Variants in PLCL1 observed in about 807,000 individuals in gnomAD.
PLCL1 encodes the protein inactive phospholipase C-like protein 1.
A neutral mutation model predicts 84.4 loss-of-function variants in PLCL1; 41 were observed. The ratio of observed to expected loss-of-function variants is 0.49; its 90% CI spans 0.38 to 0.63. The LOEUF (loss-of-function observed/expected upper bound fraction) is 0.63, where lower values mean the gene tolerates loss of function less well. Ranked by LOEUF, PLCL1 falls within the 30% of genes least tolerant of loss-of-function variation. PLCL1 has a pLI of 0.00. For missense variants in PLCL1, 1,206 were observed against 1,367.8 expected, an observed-to-expected ratio of 0.88 and a Z score of 1.87; for synonymous variants, 490 against 488.3, an observed-to-expected ratio of 1.00 and a Z score of -0.05.
At position 198,077,284 on chromosome 2, in the gene PLCL1, T is replaced by C. The variant is rs190013363; in HGVS notation, c.241-6474T>C. Among the ~76,000 whole-genome samples the C allele has an allele frequency of 2.4e-4, 36 of 152,180 alleles. No individual in the cohort carries two copies. In the East Asian group the frequency reaches 6.2e-3, roughly 26 times the overall value. ...CACCATCATGGCACATGTATACATA[T>C]GTAACAAACCTGCACGTTGTGCACA... On this transcript the variant is annotated intron_variant, in intron 1 of 5. Coordinates refer to ENST00000428675, the MANE Select transcript of PLCL1 (RefSeq NM_006226.4).
intron 1 of PLCL1, among the ~76,000 whole-genome samples, chr2:197,883,450 G>A (rs1687866035): frequency 6.6e-6 from 1 of 152,150 alleles, no homozygotes; most frequent in South Asian, 2.1e-4. Context: ...TGAAATGATT[G>A]TTACAATAAA....
intron 1 of PLCL1, among the ~76,000 whole-genome samples, chr2:197,970,489 G>A (rs762323563): frequency 5.8e-4 from 88 of 152,256 alleles, no homozygotes; most frequent in African/African-American, 1.9e-3. Context: ...TACTATAAGT[G>A]TAAAACCCAT....
intron 1 of PLCL1, among the ~76,000 whole-genome samples, chr2:197,962,936 A>T (rs997797333): frequency 2.0e-5 from 3 of 152,054 alleles, no homozygotes; most frequent in Non-Finnish European, 4.4e-5. Flanking sequence ...ATAGTACTTG[A>T]TTGTGTATAT....
At chr2:198,103,646 T>C (rs944929219) in intron 4 of PLCL1, among the ~76,000 whole-genome samples, 181 bp from the exon 5 acceptor site, 30 of 152,056 alleles carry the variant, frequency 2.0e-4, no homozygotes, top group African/African-American at 7.0e-4. Context: ...GTTGTCAATT[T>C]GTGCATAAGG....
At chr2:198,133,487 T>C (rs1316210461) in intron 5 of PLCL1, among the ~76,000 whole-genome samples, 2 of 146,402 alleles carry the variant, frequency 1.4e-5, no homozygotes, top group African/African-American at 5.1e-5. Flanking sequence ...GTAACTAACC[T>C]GCACAATGTG....
At chr2:198,064,170 A>T (rs1265459659) in intron 1 of PLCL1, among the ~76,000 whole-genome samples, 2 of 152,198 alleles carry the variant, frequency 1.3e-5, no homozygotes, top group Non-Finnish European at 2.9e-5. Context: ...GAAAGTTCAT[A>T]TAATAATAGT....
chr2:197,825,859 G>A (rs1690917620), intron 1 of PLCL1, among the ~76,000 whole-genome samples: 1 of 152,342 alleles, frequency 6.6e-6, no homozygotes, highest in East Asian at 1.9e-4. Flanking sequence ...TTTGCCATAA[G>A]GCTTGCAGGT....
At chr2:198,068,038 A>G (rs1692361614) in intron 1 of PLCL1, among the ~76,000 whole-genome samples, 1 of 152,148 alleles carries the variant, frequency 6.6e-6, no homozygotes, top group Non-Finnish European at 1.5e-5. Context: ...TGCCTTTCTC[A>G]TTTTTTACAA....
chr2:197,863,105 G>A (rs566405279), intron 1 of PLCL1, among the ~76,000 whole-genome samples: 114 of 150,760 alleles, frequency 7.6e-4, no homozygotes, highest in African/African-American at 2.6e-3. Context: ...TTTTGCTCTC[G>A]GAACTCTGCT....
intron 1 of PLCL1, among the ~76,000 whole-genome samples, chr2:197,908,242 G>A (rs1259911033): frequency 2.0e-5 from 3 of 152,178 alleles, no homozygotes; most frequent in African/African-American, 7.2e-5. Flanking sequence ...AATCACAATT[G>A]TTAGGAAATA....
rs1029514644 is a variant in PLCL1 at position 197,805,427 on chromosome 2, TC to T, written c.240+90del. 8.4e-7 allele frequency: 1 copy of T among 1,193,582 alleles called. No individual in the cohort carries two copies. Among genetic ancestry groups the T allele is most frequent in the Non-Finnish European group, 1.1e-6 (1 of 942,232 alleles). The allele number at this position is 1,193,582 out of a possible 1,614,324, so 73.9% of individuals were successfully genotyped here. Reference sequence around the variant, plus strand: ...GCAGGATGTGCGGTGTCCGGAGGCATCCGGGCTCAGCATTGTTTTCTCCCAC... The same window carrying T: ...GCAGGATGTGCGGTGTCCGGAGGCATCGGGCTCAGCATTGTTTTCTCCCAC... On this transcript the variant is annotated intron_variant, in intron 1 of 5. Coordinates refer to ENST00000428675, the MANE Select transcript of PLCL1 (RefSeq NM_006226.4). The surrounding 1 kb of genome is among the most constrained non-coding windows in gnomAD (Gnocchi z 4.0).
At chr2:198,008,558 A>G (rs1690788132) in intron 1 of PLCL1, among the ~76,000 whole-genome samples, 2 of 151,398 alleles carry the variant, frequency 1.3e-5, no homozygotes, top group Admixed American at 1.3e-4. Context: ...TTAAGGCTGC[A>G]TAATATCCCA....
intron 1 of PLCL1, among the ~76,000 whole-genome samples, chr2:197,972,328 G>C (rs1689886568): frequency 6.6e-6 from 1 of 152,116 alleles, no homozygotes. Context: ...CAGTATGAAG[G>C]CATTCTACCT....
chr2:197,810,658 G>GCTT (rs1690566928), intron 1 of PLCL1, among the ~76,000 whole-genome samples: 1 of 152,192 alleles, frequency 6.6e-6, no homozygotes, highest in Non-Finnish European at 1.5e-5. Flanking sequence ...ACCTTACCTT[G>GCTT]GTGCTACTGA....
intron 1 of PLCL1, among the ~76,000 whole-genome samples, chr2:197,865,323 A>C (rs1292321549): frequency 2.0e-5 from 3 of 152,176 alleles, no homozygotes; most frequent in Admixed American, 2.0e-4. Context: ...GCACTGAAGA[A>C]ATTTCACTAG....
At chr2:198,077,702 C>T (rs146857130) in intron 1 of PLCL1, among the ~76,000 whole-genome samples, 278 of 152,278 alleles carry the variant, frequency 1.8e-3, no homozygotes, top group African/African-American at 6.4e-3. Flanking sequence ...GGAGGTTTGA[C>T]TCATATATCC....
rs183738247 is a variant in PLCL1 at position 197,836,605 on chromosome 2, A to G, written c.240+31266A>G. ...TGTTAAAACAGGTCTTCTGTATTCC[A>G]GGAGTCAAAGAGTATTTAAACTACC... On this transcript the variant is annotated intron_variant, in intron 1 of 5. Coordinates refer to ENST00000428675, the MANE Select transcript of PLCL1 (RefSeq NM_006226.4). 2.4e-3 allele frequency among the ~76,000 whole-genome samples: 369 copies of G among 152,314 alleles called. 1 individual carries two copies. The highest frequency in any genetic ancestry group is 8.7e-3 in the African/African-American group (362 of 41,568).
Position 198,085,569 on chromosome 2 carries a change from G to C in PLCL1, c.2052G>C (p.Trp684Cys). The C allele has an allele frequency of 6.2e-7, 1 of 1,614,116 alleles. No homozygotes were observed. Among genetic ancestry groups the C allele is most frequent in the Non-Finnish European group, 8.5e-7 (1 of 1,180,004 alleles). Residue 684 changes from tryptophan (W) to cysteine (C), a missense_variant, in exon 2 of 6, where the codon TGG (tryptophan) becomes TGC (cysteine). Physicochemically the swap from Trp to Cys is radical, Grantham distance 215 (BLOSUM62 -2). Coordinates refer to ENST00000428675, the MANE Select transcript of PLCL1 (RefSeq NM_006226.4). This position sits in a 1 kb window ranked among gnomAD's most constrained non-coding sequence, Gnocchi z 5.3. ...PGPMMDLHTGWFLQNGGCGYV... is the reference protein window; with the variant it reads ...PGPMMDLHTGCFLQNGGCGYV... ...CAATGATGGACCTTCACACGGGCTG[G>C]TTTCTTCAAAACGGGGGATGTGGTT...
rs376803515 is a variant in PLCL1 at position 198,085,094 on chromosome 2, A to C, written c.1577A>C (p.Tyr526Ser). The change falls in exon 2 of 6, where the codon TAC becomes TCC. Residue 526 changes from tyrosine to serine, a missense_variant. By Grantham distance (144) the Tyr-to-Ser change is moderately radical. Transcript: ENST00000428675. This position sits in a 1 kb window ranked among gnomAD's most constrained non-coding sequence, Gnocchi z 5.3. ...GAAGCACCTTTGCCCTCAGAATCCT[A>C]CCTCCCATCACCAGAAAAATTAAAA... Reference protein sequence around the residue: ...YTEAPLPSESYLPSPEKLKRM... With the variant: ...YTEAPLPSESSLPSPEKLKRM... The C allele has an allele frequency of 2.4e-5, 39 of 1,613,866 alleles. No individual in the cohort carries two copies. The highest frequency in any genetic ancestry group is 3.3e-5 in the Non-Finnish European group (39 of 1,179,950).
Sources: gnomAD v4.1 joint callset for allele counts (sites outside exome capture counted in the v4.1 genomes callset) on GRCh38, gnomAD v4.1.1 for gene constraint, Gnocchi (gnomAD v3.1) non-coding constraint, MANE v1.5 for transcripts, NCBI Gene and HGNC (gene_info 2026-07-23, HGNC 2026-07-21) for gene names.